Variants in PXT1 observed in about 807,000 individuals in gnomAD.
PXT1 encodes the protein peroxisomal testis enriched protein 1, also known as peroxisomal testis-specific protein 1.
In PXT1, 11 loss-of-function variants were observed where a neutral mutation model predicts 11.0. The ratio of observed to expected loss-of-function variants is 1.00; its 90% CI spans 0.63 to 1.66. The LOEUF (loss-of-function observed/expected upper bound fraction) is 1.66. Among genes scored for constraint, PXT1 ranks in the 40% most tolerant of loss-of-function variants. PXT1 has a pLI of 0.00. For missense variants in PXT1, 141 were observed against 155.5 expected, an observed-to-expected ratio of 0.91 and a Z score of 0.49; for synonymous variants, 43 against 51.4, an observed-to-expected ratio of 0.84 and a Z score of 0.70.
chr6:36,414,188 GT>G (rs981205771), intron 3 of PXT1, among the ~76,000 whole-genome samples: 1 of 152,140 alleles, frequency 6.6e-6, no homozygotes, highest in Non-Finnish European at 1.5e-5. Context: ...TTAACAAAAG[GT>G]GGCTCCAACC....
chr6:36,428,945 C>T (rs1203622656), intron 2 of PXT1, among the ~76,000 whole-genome samples: 1 of 151,868 alleles, frequency 6.6e-6, no homozygotes, highest in African/African-American at 2.4e-5. Flanking sequence ...CATGAGCCAC[C>T]GCGCACAGCC....
At chr6:36,409,235 A>C (rs1774332788) in intron 3 of PXT1, among the ~76,000 whole-genome samples, 1 of 152,216 alleles carries the variant, frequency 6.6e-6, no homozygotes, top group Non-Finnish European at 1.5e-5. Flanking sequence ...AAAAAGAACA[A>C]GGCCAGAACA....
intron 2 of PXT1, among the ~76,000 whole-genome samples, chr6:36,435,575 GAAAC>G (rs1774750441): frequency 6.6e-6 from 1 of 151,934 alleles, no homozygotes; most frequent in African/African-American, 2.4e-5. Flanking sequence ...GAAAAGAAAA[GAAAC>G]AAACAAATGC....
At chr6:36,442,226 A>C (rs898612600) in intron 1 of PXT1, among the ~76,000 whole-genome samples, 3 of 152,012 alleles carry the variant, frequency 2.0e-5, no homozygotes, top group African/African-American at 7.2e-5. Flanking sequence ...ACAGGGTTTC[A>C]TCATGTTGGC....
chr6:36,407,925 G>A lies in PXT1; in HGVS notation c.170-7341C>T, dbSNP rs185103490. Among the ~76,000 whole-genome samples the A allele has an allele frequency of 9.3e-5, 14 of 150,880 alleles. No homozygotes were observed. The East Asian group carries it at 2.5e-3, about 27-fold the overall frequency. On this transcript the variant is annotated intron_variant, in intron 3 of 4. Coordinates refer to ENST00000454782, the MANE Select transcript of PXT1 (RefSeq NM_152990.4). ...GGACTTCAACATGTGTCGCTACCAAGCCCAGCTGGTTAATCCTTTTTCTTT... is the reference window on the plus strand; with the variant it reads ...GGACTTCAACATGTGTCGCTACCAAACCCAGCTGGTTAATCCTTTTTCTTT...
At chr6:36,424,171 G>A (rs550563445) in intron 3 of PXT1, among the ~76,000 whole-genome samples, 6 of 152,252 alleles carry the variant, frequency 3.9e-5, no homozygotes, top group African/African-American at 9.6e-5. Context: ...GAATAGTGGC[G>A]ACGATTGCAC....
At chr6:36,423,668 C>T (rs984403000) in intron 3 of PXT1, among the ~76,000 whole-genome samples, 6 of 152,198 alleles carry the variant, frequency 3.9e-5, no homozygotes, top group African/African-American at 1.4e-4. Context: ...CCCCTCATTC[C>T]GCACATCCCT....
chr6:36,401,362 A>G (rs942750520), intron 3 of PXT1, among the ~76,000 whole-genome samples: 1 of 152,196 alleles, frequency 6.6e-6, no homozygotes, highest in African/African-American at 2.4e-5. Context: ...GGCCAGATGC[A>G]ATGGCTCACA....
intron 3 of PXT1, among the ~76,000 whole-genome samples, chr6:36,424,366 G>A (rs186252015): frequency 4.6e-5 from 7 of 152,358 alleles, no homozygotes; most frequent in Non-Finnish European, 1.0e-4. Flanking sequence ...TTCAGGCGGA[G>A]CGCGGTGGCT....
chr6:36,438,063 A>T (rs1273468511), intron 2 of PXT1, among the ~76,000 whole-genome samples: 1 of 145,906 alleles, frequency 6.9e-6, no homozygotes, highest in African/African-American at 2.6e-5. Context: ...CAGGTGATCC[A>T]CCTGCCTCGG....
intron 3 of PXT1, among the ~76,000 whole-genome samples, chr6:36,413,990 T>A (rs2127413903): frequency 6.6e-6 from 1 of 152,288 alleles, no homozygotes; most frequent in African/African-American, 2.4e-5. Context: ...CAGGGTGAGA[T>A]CTTGTCTCTA....
At chr6:36,425,833 A>T in intron 3 of PXT1, 81 bp downstream of exon 3, 1 of 548,256 alleles carries the variant, frequency 1.8e-6, no homozygotes, top group Non-Finnish European at 2.9e-6. Flanking sequence ...TATATATTTA[A>T]TGTCCAATTT....
intron 3 of PXT1, among the ~76,000 whole-genome samples, chr6:36,413,361 G>A (rs1453684734): frequency 6.6e-6 from 1 of 151,944 alleles, no homozygotes; most frequent in East Asian, 1.9e-4. Context: ...AGCTTGCAGT[G>A]AGCAGAGATG....
At chr6:36,405,562 G>C (rs143843571) in intron 3 of PXT1, among the ~76,000 whole-genome samples, 1 of 152,070 alleles carries the variant, frequency 6.6e-6, no homozygotes, top group Non-Finnish European at 1.5e-5. Flanking sequence ...TTTTTTAGTA[G>C]AGACGAGGTT....
intron 3 of PXT1, among the ~76,000 whole-genome samples, chr6:36,407,643 C>A: frequency 6.6e-6 from 1 of 151,338 alleles, no homozygotes; most frequent in East Asian, 1.9e-4. Flanking sequence ...TGGGCTCAAG[C>A]AATCCTCCTG....
At chr6:36,394,890 T>G (rs749356492) in intron 4 of PXT1, among the ~76,000 whole-genome samples, 26 of 151,970 alleles carry the variant, frequency 1.7e-4, no homozygotes, top group Admixed American at 5.3e-4. Flanking sequence ...CGGCCTCGAA[T>G]TCCTGGGCTC....
intron 4 of PXT1, among the ~76,000 whole-genome samples, chr6:36,392,564 G>A (rs1403039711): frequency 6.6e-6 from 1 of 152,150 alleles, no homozygotes; most frequent in Non-Finnish European, 1.5e-5. Flanking sequence ...AGGAGGCTGA[G>A]GTGGGAGGAT....
At chr6:36,413,921 C>T (rs1774411229) in intron 3 of PXT1, among the ~76,000 whole-genome samples, 1 of 152,156 alleles carries the variant, frequency 6.6e-6, no homozygotes, top group Non-Finnish European at 1.5e-5. Flanking sequence ...ACAGGTTGAG[C>T]CCAGGACTTC....
At chr6:36,424,083 T>G (rs934455932) in intron 3 of PXT1, among the ~76,000 whole-genome samples, 2 of 152,306 alleles carry the variant, frequency 1.3e-5, no homozygotes, top group Non-Finnish European at 2.9e-5. Flanking sequence ...AGCGATCAGC[T>G]TCACAAGGAA....
Sources: gnomAD v4.1 joint callset for allele counts (sites outside exome capture counted in the v4.1 genomes callset) on GRCh38, gnomAD v4.1.1 for gene constraint, MANE v1.5 for transcripts, NCBI Gene and HGNC (gene_info 2026-07-23, HGNC 2026-07-21) for gene names.